Variants in STIM1 observed in about 807,000 individuals in gnomAD.
STIM1 encodes stromal interaction molecule 1.
A neutral mutation model predicts 74.7 loss-of-function variants in STIM1; 25 were observed. The observed-to-expected ratio is 0.33, with a 90% CI of 0.24 to 0.47. The LOEUF is 0.47. STIM1 is among the 20% of genes least tolerant of loss of function. STIM1 has a pLI of 1.00. For synonymous variants in STIM1, 328 were observed against 348.8 expected (o/e 0.94, Z 0.66); for missense variants, 728 against 920.8 (o/e 0.79, Z 2.71).
intron 4 of STIM1, chr11:4,058,966 G>T (rs1241202177): frequency 1.7e-6 from 2 of 1,170,856 alleles, no homozygotes; most frequent in Non-Finnish European, 2.1e-6. Context: ...ATATGTAGAG[G>T]ATAAACCCTG....
intron 4 of STIM1, among the ~76,000 whole-genome samples, chr11:4,057,128 G>A (rs749826883): frequency 3.3e-5 from 5 of 152,210 alleles, no homozygotes; most frequent in Non-Finnish European, 5.9e-5. Flanking sequence ...TAATGGAAAA[G>A]TAGATGACTG....
At chr11:3,881,680 A>G (rs2135325293) in intron 1 of STIM1, among the ~76,000 whole-genome samples, 1 of 120,382 alleles carries the variant, frequency 8.3e-6, no homozygotes, top group South Asian at 2.6e-4. Flanking sequence ...CGATTATTTT[A>G]TTTTTATTTA....
intron 3 of STIM1, among the ~76,000 whole-genome samples, chr11:4,047,649 G>A (rs2094204028): frequency 6.6e-6 from 1 of 151,450 alleles, no homozygotes; most frequent in Non-Finnish European, 1.5e-5. Context: ...CAAAGACAAA[G>A]ACAAAGACAA....
At position 4,092,080 on chromosome 11, in the gene STIM1, C is replaced by T. The variant is rs554659547; in HGVS notation, c.*282C>T. 4.0e-6 allele frequency: 2 copies of T among 496,862 alleles called. No individual in the cohort carries two copies. Among genetic ancestry groups the T allele is most frequent in the East Asian group, 3.6e-5 (1 of 27,616 alleles). 30.8% of individuals were successfully genotyped at this position (496,862 alleles called of 1,614,324 possible). A position where few individuals can be genotyped will look rare whatever the true frequency, so the allele number is the denominator to read the frequency against. On this transcript the variant is annotated 3_prime_UTR_variant, in exon 13 of 13. Transcript: ENST00000526596. ...CATGTCTTAGTTGCTGTTCCCTCAGCTCCCAGCTCCACCTCTGGGGTTCAG... is the reference window on the plus strand; with the variant it reads ...CATGTCTTAGTTGCTGTTCCCTCAGTTCCCAGCTCCACCTCTGGGGTTCAG...
intron 2 of STIM1, among the ~76,000 whole-genome samples, chr11:4,010,217 C>T (rs969356828): frequency 6.7e-6 from 1 of 148,520 alleles, no homozygotes; most frequent in African/African-American, 2.5e-5. Context: ...GTCATCCAGG[C>T]TGTAGTGCAG....
At chr11:3,914,882 G>GT (rs1239181412) in intron 1 of STIM1, among the ~76,000 whole-genome samples, 1 of 151,870 alleles carries the variant, frequency 6.6e-6, no homozygotes, top group Non-Finnish European at 1.5e-5. Context: ...TGTATAAGGG[G>GT]TTCCAATTTT....
intron 2 of STIM1, among the ~76,000 whole-genome samples, chr11:3,983,273 G>T (rs1482027596): frequency 6.6e-6 from 1 of 152,144 alleles, no homozygotes; most frequent in East Asian, 1.9e-4. Flanking sequence ...TGATAGAGAT[G>T]CAGTGGTGCT....
chr11:4,048,941 C>G (rs1258074920), intron 3 of STIM1, among the ~76,000 whole-genome samples: 1 of 152,140 alleles, frequency 6.6e-6, no homozygotes. Context: ...ACCATGTTGG[C>G]CAGGCTGGTC....
At chr11:4,048,461 A>G (rs1174835826) in intron 3 of STIM1, among the ~76,000 whole-genome samples, 1 of 152,092 alleles carries the variant, frequency 6.6e-6, no homozygotes, top group Non-Finnish European at 1.5e-5. Flanking sequence ...TTTTGCTGAA[A>G]ATCAGTTGCT....
chr11:3,864,752 C>T (rs1460214825), intron 1 of STIM1, among the ~76,000 whole-genome samples: 1 of 152,182 alleles, frequency 6.6e-6, no homozygotes, highest in African/African-American at 2.4e-5. Flanking sequence ...TAAAGGATGC[C>T]TCTGAGATTG....
chr11:3,870,869 C>CTTTTTT (rs1178631644), intron 1 of STIM1, among the ~76,000 whole-genome samples: 2 of 98,152 alleles, frequency 2.0e-5, no homozygotes, highest in African/African-American at 3.8e-5. Flanking sequence ...ATCAGCTACT[C>CTTTTTT]TTTTTTTTTT....
At chr11:3,954,685 A>G (rs146887326) in intron 1 of STIM1, among the ~76,000 whole-genome samples, 12 of 152,324 alleles carry the variant, frequency 7.9e-5, no homozygotes, top group Admixed American at 3.3e-4. Context: ...AGAAAGAAGT[A>G]AGAGCCTTCC....
intron 3 of STIM1, among the ~76,000 whole-genome samples, chr11:4,045,191 C>A (rs1240252383): frequency 6.6e-6 from 1 of 152,000 alleles, no homozygotes; most frequent in African/African-American, 2.4e-5. Context: ...AAAAAAGTAG[C>A]CTTCTTTCCA....
chr11:4,088,516 CCTAGGAAGG>C (rs1272719005), intron 12 of STIM1: 4 of 576,246 alleles, frequency 6.9e-6, no homozygotes, highest in Non-Finnish European at 1.3e-5. Flanking sequence ...CATCCAAAAG[CCTAGGAAGG>C]GAGACTGCTC....
At chr11:4,005,145 C>T (rs2093764491) in intron 2 of STIM1, among the ~76,000 whole-genome samples, 1 of 152,204 alleles carries the variant, frequency 6.6e-6, no homozygotes, top group African/African-American at 2.4e-5. Flanking sequence ...GGACTGTAAA[C>T]TAGTTCAACC....
rs1453350357 is a variant in STIM1, at chr11:4,021,553, A to G, written c.271-2320A>G. Among the ~76,000 whole-genome samples, 3 of 152,190 alleles carry G rather than the reference A, an allele frequency of 2.0e-5. 1 individual carries two copies. Among genetic ancestry groups the G allele is most frequent in the Admixed American group, 6.5e-5 (1 of 15,280 alleles). ...TGTATTCTTTTCCATGTCTGTTTTTATGCCAGCACCATGCTGTTTCAGTTA... is the reference window on the plus strand; with the variant it reads ...TGTATTCTTTTCCATGTCTGTTTTTGTGCCAGCACCATGCTGTTTCAGTTA... On this transcript the variant is annotated intron_variant, in intron 2 of 12. Coordinates refer to ENST00000526596, the MANE Select transcript of STIM1 (RefSeq NM_001382567.1).
chr11:4,020,521 G>A (rs1205562231), intron 2 of STIM1, among the ~76,000 whole-genome samples: 1 of 151,818 alleles, frequency 6.6e-6, no homozygotes, highest in Non-Finnish European at 1.5e-5. Flanking sequence ...ATCTCATTGT[G>A]GTTTTGATTT....
intron 2 of STIM1, among the ~76,000 whole-genome samples, chr11:3,999,337 C>G (rs992844437): frequency 1.3e-5 from 2 of 152,176 alleles, no homozygotes; most frequent in Admixed American, 1.3e-4. Context: ...GTCTCAAAAC[C>G]AACAAACAGC....
In STIM1 at chr11:3,996,011, A is replaced by G. The variant is rs1049528150; in HGVS notation, c.271-27862A>G. 1.4e-4 allele frequency among the ~76,000 whole-genome samples: 21 copies of G among 152,176 alleles called. 1 individual carries two copies. The highest frequency in any genetic ancestry group is 4.1e-4 in the African/African-American group (17 of 41,498). On this transcript the variant is annotated intron_variant, in intron 2 of 12. Transcript: ENST00000526596. The stretch of plus-strand genomic sequence containing the variant: ...AATTCTCTAGTCTACAGTTTAGCCT[A>G]TATCTCCAATGAATCTGCTAATCTT...
Sources: allele counts gnomAD v4.1 joint callset (sites outside exome capture counted in the v4.1 genomes callset), GRCh38; gene constraint gnomAD v4.1.1; transcripts MANE v1.5; gene names NCBI Gene and HGNC (gene_info 2026-07-23, HGNC 2026-07-21).